The following ROBO2 variants were observed in gnomAD, a reference collection of about 807,000 sequenced individuals.
ROBO2 encodes roundabout homolog 2.
In ROBO2, 53 loss-of-function variants were observed where a neutral mutation model predicts 160.8. That is an observed-to-expected ratio of 0.33 (90% CI 0.26 to 0.41). ROBO2 has a LOEUF of 0.41. Among genes scored for constraint, ROBO2 ranks in the 10% least tolerant of loss-of-function variants. ROBO2 has a pLI of 1.00. For missense variants in ROBO2, 1,577 were observed against 1,722.4 expected (o/e 0.92, Z 1.49); for synonymous variants, 664 against 611.7 (o/e 1.09, Z -1.26).
intron 2 of ROBO2, among the ~76,000 whole-genome samples, chr3:76,185,215 T>TATATAGATATATATATATATATACAC: frequency 2.2e-5 from 2 of 90,312 alleles, no homozygotes; most frequent in African/African-American, 7.6e-5. Flanking sequence ...TATATATATA[T>TATATAGATATATATATATATATACAC]ACACACACAA....
chr3:76,713,153 C>T (rs2093326996), intron 2 of ROBO2, among the ~76,000 whole-genome samples: 1 of 152,150 alleles, frequency 6.6e-6, no homozygotes, highest in Non-Finnish European at 1.5e-5. Flanking sequence ...TTCCAGCTAA[C>T]AAGTTTTGGT....
intron 2 of ROBO2, among the ~76,000 whole-genome samples, chr3:76,987,291 C>T (rs1284794954): frequency 6.6e-6 from 1 of 152,170 alleles, no homozygotes; most frequent in Non-Finnish European, 1.5e-5. Context: ...TTACAAAGAA[C>T]ATGCTTTCTC....
At chr3:75,915,593 G>T (rs1378392515) in intron 1 of ROBO2, among the ~76,000 whole-genome samples, 1 of 152,154 alleles carries the variant, frequency 6.6e-6, no homozygotes, top group Non-Finnish European at 1.5e-5. Context: ...TGCAACAAGT[G>T]TGTATTTTTC....
intron 2 of ROBO2, among the ~76,000 whole-genome samples, chr3:76,150,574 G>A (rs2072158289): frequency 6.6e-6 from 1 of 152,070 alleles, no homozygotes; most frequent in Non-Finnish European, 1.5e-5. Flanking sequence ...CCACCTCAGG[G>A]CCTTTATAGT....
At chr3:76,370,529 A>C (rs914834903) in intron 2 of ROBO2, among the ~76,000 whole-genome samples, 11 of 151,952 alleles carry the variant, frequency 7.2e-5, no homozygotes, top group African/African-American at 2.7e-4. Flanking sequence ...TTTTCCATCA[A>C]CTAACCATCA....
intron 18 of ROBO2, among the ~76,000 whole-genome samples, chr3:77,595,571 G>A (rs1023465116): frequency 1.3e-5 from 2 of 152,114 alleles, no homozygotes; most frequent in African/African-American, 4.8e-5. Context: ...AATGATTCAT[G>A]GATGATGAAT....
At chr3:77,493,481 TG>T (rs1216969720) in intron 5 of ROBO2, 99 bp downstream of exon 5, 22 of 1,324,516 alleles carry the variant, frequency 1.7e-5, no homozygotes, top group Non-Finnish European at 2.3e-5. Flanking sequence ...TCCTATGTCT[TG>T]GGGTACTTTC....
chr3:76,553,168 A>G (rs1202368303), intron 2 of ROBO2, among the ~76,000 whole-genome samples: 1 of 152,216 alleles, frequency 6.6e-6, no homozygotes, highest in African/African-American at 2.4e-5. Flanking sequence ...ACATATATGA[A>G]GAACTGGTTT....
chr3:75,942,293 A>T (rs1948093457), intron 2 of ROBO2, among the ~76,000 whole-genome samples: 1 of 152,118 alleles, frequency 6.6e-6, no homozygotes, highest in African/African-American at 2.4e-5. Context: ...TTCATTTGAT[A>T]ATTGAATATT....
chr3:76,202,647 A>T (rs1186772909), intron 2 of ROBO2, among the ~76,000 whole-genome samples: 2 of 152,174 alleles, frequency 1.3e-5, no homozygotes, highest in Admixed American at 6.6e-5. Context: ...TACAACCAAA[A>T]TTTTTTTCCA....
At chr3:76,637,271 A>T (rs913585703) in intron 2 of ROBO2, among the ~76,000 whole-genome samples, 3 of 152,082 alleles carry the variant, frequency 2.0e-5, no homozygotes, top group Admixed American at 6.6e-5. Context: ...GGAGATGTTG[A>T]GGTTCACCAG....
At chr3:76,797,512 A>G (rs1345849142) in intron 2 of ROBO2, among the ~76,000 whole-genome samples, 1 of 152,010 alleles carries the variant, frequency 6.6e-6, no homozygotes, top group African/African-American at 2.4e-5. Context: ...ACAACCTAAC[A>G]TCATAAGGAA....
In ROBO2 at chr3:76,756,769, A is replaced by T. The variant is rs559799362; in HGVS notation, c.110-341245A>T. Among the ~76,000 whole-genome samples the T allele has an allele frequency of 1.5e-4, 23 of 151,990 alleles. No homozygotes were observed. The East Asian group carries it at 4.5e-3, about 30-fold the overall frequency. On this transcript the variant is annotated intron_variant, in intron 2 of 26. Coordinates refer to the ROBO2 transcript ENST00000487694. The stretch of plus-strand genomic sequence containing the variant: ...GGAAGCTTTCAAACCGGTTTTGATT[A>T]CGAGCAAATCTGTCTACAGGAAGAC...
chr3:76,097,802 A>G (rs948127735), intron 2 of ROBO2, among the ~76,000 whole-genome samples: 5 of 152,146 alleles, frequency 3.3e-5, no homozygotes, highest in African/African-American at 9.7e-5. Context: ...TCCAGAATAT[A>G]TTCTAGTTCT....
chr3:76,602,241 A>G (rs1263299733), intron 2 of ROBO2, among the ~76,000 whole-genome samples: 3 of 152,138 alleles, frequency 2.0e-5, no homozygotes. Flanking sequence ...GTATCTAGGA[A>G]GTTTCAAACT....
At chr3:76,586,330 A>G (rs1229429530) in intron 2 of ROBO2, among the ~76,000 whole-genome samples, 1 of 152,170 alleles carries the variant, frequency 6.6e-6, no homozygotes. Context: ...ACTATTTTCA[A>G]GTGCTTCGAT....
intron 2 of ROBO2, among the ~76,000 whole-genome samples, chr3:76,666,013 ATATT>A (rs2092026405): frequency 8.2e-6 from 1 of 122,410 alleles, no homozygotes; most frequent in Non-Finnish European, 1.8e-5. Flanking sequence ...TAATATATAC[ATATT>A]ATATATTATA....
In ROBO2 at chr3:76,712,629, C is replaced by T. The variant is rs538629661; in HGVS notation, c.110-385385C>T. On this transcript the variant is annotated intron_variant, in intron 2 of 26. Transcript: ENST00000487694. ...GGCAGAGGTTGCAGTGAGCTGAGAT[C>T]ATGCTGCTGCACTCCAGCCTGGGCG... Among the ~76,000 whole-genome samples the T allele has an allele frequency of 1.3e-4, 20 of 151,934 alleles. No homozygotes were observed. In the East Asian group the frequency reaches 3.7e-3, roughly 28 times the overall value.
chr3:76,707,483 C>T (rs2107549599), intron 2 of ROBO2, among the ~76,000 whole-genome samples: 1 of 152,082 alleles, frequency 6.6e-6, no homozygotes, highest in Admixed American at 6.6e-5. Flanking sequence ...TGGAAAAATT[C>T]AAAGTGCTAA....
Sources: allele counts gnomAD v4.1 joint callset (sites outside exome capture counted in the v4.1 genomes callset), GRCh38; gene constraint gnomAD v4.1.1; transcripts MANE v1.5; gene names NCBI Gene and HGNC (gene_info 2026-07-23, HGNC 2026-07-21).